The following DYRK1A variants were observed in gnomAD, a reference collection of about 807,000 sequenced individuals.
The protein encoded by DYRK1A is dual specificity tyrosine-phosphorylation-regulated kinase 1A.
A neutral mutation model predicts 79.7 loss-of-function variants in DYRK1A; 9 were observed. The ratio of observed to expected loss-of-function variants is 0.11; its 90% CI spans 0.07 to 0.20. The LOEUF is 0.20. DYRK1A is among the 10% of genes least tolerant of loss of function. The pLI, the probability that DYRK1A is intolerant of heterozygous loss-of-function variation, is 1.00. For synonymous variants in DYRK1A, 349 were observed against 329.7 expected, an observed-to-expected ratio of 1.06 and a Z score of -0.63; for missense variants, 622 against 956.0, an observed-to-expected ratio of 0.65 and a Z score of 4.61.
At chr21:37,399,936 C>T (rs1412001885) in intron 1 of DYRK1A, among the ~76,000 whole-genome samples, 1 of 152,144 alleles carries the variant, frequency 6.6e-6, no homozygotes, top group Non-Finnish European at 1.5e-5. Flanking sequence ...TATTAGTTCC[C>T]TGTGGCTCCT....
At chr21:37,468,241 A>G (rs553506490) in intron 2 of DYRK1A, among the ~76,000 whole-genome samples, 2 of 152,006 alleles carry the variant, frequency 1.3e-5, no homozygotes, top group Non-Finnish European at 2.9e-5. Context: ...CCTCCTGAGT[A>G]ATTGGAACTA....
intron 1 of DYRK1A, among the ~76,000 whole-genome samples, chr21:37,415,285 C>G (rs901469658): frequency 4.6e-5 from 7 of 152,178 alleles, no homozygotes; most frequent in Admixed American, 4.6e-4. Flanking sequence ...GCACATGCTT[C>G]TAGCCTCTTT....
chr21:37,375,519 C>T (rs372238343), intron 1 of DYRK1A, among the ~76,000 whole-genome samples: 137 of 81,410 alleles, frequency 1.7e-3, no homozygotes, highest in Middle Eastern at 0.014. Flanking sequence ...AGGAATATTA[C>T]TTTTTTTTTT....
chr21:37,376,863 TC>T (rs2049552745), intron 1 of DYRK1A, among the ~76,000 whole-genome samples: 1 of 152,118 alleles, frequency 6.6e-6, no homozygotes. Flanking sequence ...GCAGATCATT[TC>T]CCCCTTCTCA....
intron 2 of DYRK1A, among the ~76,000 whole-genome samples, chr21:37,459,804 G>A (rs555301087): frequency 1.3e-5 from 2 of 152,304 alleles, no homozygotes; most frequent in African/African-American, 4.8e-5. Context: ...TGTCTCTGCA[G>A]GGCTGTCCAG....
chr21:37,433,804 C>G (rs1299345371), intron 2 of DYRK1A, among the ~76,000 whole-genome samples: 2 of 152,196 alleles, frequency 1.3e-5, no homozygotes, highest in African/African-American at 4.8e-5. Flanking sequence ...TGATGTGTGA[C>G]TAAAATATTG....
intron 2 of DYRK1A, among the ~76,000 whole-genome samples, chr21:37,432,158 T>C (rs1456682868): frequency 1.3e-5 from 2 of 152,214 alleles, no homozygotes; most frequent in African/African-American, 4.8e-5. Flanking sequence ...TGTCATATAC[T>C]ACTGAATTTT....
intron 3 of DYRK1A, among the ~76,000 whole-genome samples, chr21:37,474,545 C>T (rs2052333517): frequency 2.0e-5 from 3 of 152,140 alleles, no homozygotes; most frequent in Admixed American, 6.5e-5. Flanking sequence ...AGTCATAGGA[C>T]CTGGCTTCAA....
At chr21:37,461,289 A>G (rs1463152391) in intron 2 of DYRK1A, among the ~76,000 whole-genome samples, 2 of 152,226 alleles carry the variant, frequency 1.3e-5, no homozygotes, top group East Asian at 1.9e-4. Context: ...TAAAATGGCA[A>G]AACCACAACT....
intron 2 of DYRK1A, among the ~76,000 whole-genome samples, chr21:37,445,165 G>A (rs559883013): frequency 1.3e-5 from 2 of 152,242 alleles, no homozygotes; most frequent in South Asian, 2.1e-4. Context: ...TAATATGTTA[G>A]TTTGCTTTCA....
chr21:37,377,341 C>A (rs1335264209), intron 1 of DYRK1A, among the ~76,000 whole-genome samples: 1 of 152,060 alleles, frequency 6.6e-6, no homozygotes, highest in Non-Finnish European at 1.5e-5. Context: ...GGGTGGTCTC[C>A]ATCTCCTGAC....
At chr21:37,431,011 A>G (rs570938531) in intron 2 of DYRK1A, among the ~76,000 whole-genome samples, 1 of 152,192 alleles carries the variant, frequency 6.6e-6, no homozygotes, top group South Asian at 2.1e-4. Flanking sequence ...TCCTTAAATT[A>G]TTGGTATTAT....
upstream of DYRK1A, among the ~76,000 whole-genome samples, chr21:37,366,517 C>G (rs990931396): frequency 4.7e-4 from 71 of 151,202 alleles, no homozygotes; most frequent in Non-Finnish European, 9.3e-4. Context: ...AGCCGTCCCC[C>G]TCCTCTCCCC....
intron 9 of DYRK1A, among the ~76,000 whole-genome samples, chr21:37,498,404 T>G (rs1187756921): frequency 6.6e-6 from 1 of 152,244 alleles, no homozygotes; most frequent in Non-Finnish European, 1.5e-5. Flanking sequence ...AAGACTAGCT[T>G]TGCTTTTTCA....
chr21:37,431,885 G>A lies in DYRK1A; in HGVS notation c.10+11501G>A, dbSNP rs1602485354. 2.6e-5 allele frequency among the ~76,000 whole-genome samples: 4 copies of A among 152,116 alleles called. No homozygotes were observed. In the South Asian group the frequency reaches 8.3e-4, roughly 32 times the overall value. On this transcript the variant is annotated intron_variant, in intron 2 of 11. Coordinates refer to ENST00000647188, the MANE Select transcript of DYRK1A (RefSeq NM_001347721.2). ...AGTTTTTAAACCCTAAAGTTAATTT[G>A]CAAGAAATTGATACAAAAATACTTT...
intron 1 of DYRK1A, among the ~76,000 whole-genome samples, chr21:37,394,325 A>G (rs1021524531): frequency 6.6e-6 from 1 of 150,546 alleles, no homozygotes; most frequent in African/African-American, 2.5e-5. Context: ...GCAGTGGTGT[A>G]TTTCTAACTT....
At position 37,496,240 on chromosome 21, in the gene DYRK1A, G is replaced by T; in HGVS notation, c.1194G>T (p.Lys398Asn). The T allele has an allele frequency of 6.2e-7, 1 of 1,612,748 alleles. No individual in the cohort carries two copies. Among genetic ancestry groups the T allele is most frequent in the South Asian group, 1.1e-5 (1 of 90,668 alleles). The change falls in exon 9 of 12, where the codon AAG becomes AAT. Residue 398 changes from lysine (K) to asparagine (N), a missense_variant. By Grantham distance (94) the Lys-to-Asn change is moderately conservative (BLOSUM62 0). Transcript: ENST00000647188. Reference sequence around the variant, plus strand: ...CAGATGGCACTTGGAACTTAAAGAAGACCAAAGATGGAAAACGGGTAAAAT... The same window carrying T: ...CAGATGGCACTTGGAACTTAAAGAATACCAAAGATGGAAAACGGGTAAAAT... ...KLPDGTWNLK[K>N]TKDGKREYKP...
chr21:37,368,555 G>C (rs527477792), intron 1 of DYRK1A, among the ~76,000 whole-genome samples: 2 of 152,308 alleles, frequency 1.3e-5, no homozygotes, highest in East Asian at 3.9e-4. Context: ...TTTGGTTCTT[G>C]AATTCCGCCC....
rs1333644259 is a variant in DYRK1A at position 37,523,514 on chromosome 21, C to T, written c.*10983C>T. Reference sequence around the variant, plus strand: ...CTATGAGGGAAGCTTTAGTTTTTGTCTCCCTGAAGCATCAACCTGCTTTCC... The same window carrying T: ...CTATGAGGGAAGCTTTAGTTTTTGTTTCCCTGAAGCATCAACCTGCTTTCC... On this transcript the variant is annotated 3_prime_UTR_variant, in exon 12 of 12. Transcript: ENST00000647188. The T allele has an allele frequency of 6.6e-6, 1 of 152,142 alleles. No homozygotes were observed. The highest frequency in any genetic ancestry group is 1.5e-5 in the Non-Finnish European group (1 of 68,026). The allele number at this position is 152,142 out of a possible 1,614,324, so 9.4% of individuals were successfully genotyped here.
Sources: allele counts gnomAD v4.1 joint callset (sites outside exome capture counted in the v4.1 genomes callset), GRCh38; gene constraint gnomAD v4.1.1; transcripts MANE v1.5; gene names NCBI Gene and HGNC (gene_info 2026-07-23, HGNC 2026-07-21).